Variants in GMDS observed in about 807,000 individuals in gnomAD.
GMDS encodes GDP-mannose 4,6 dehydratase.
GMDS carries 20 observed loss-of-function variants against 49.9 expected under a neutral mutation model. The ratio of observed to expected loss-of-function variants is 0.40; its 90% CI spans 0.28 to 0.58. The LOEUF (loss-of-function observed/expected upper bound fraction) is 0.58, where lower values mean the gene tolerates loss of function less well. GMDS is among the 20% of genes least tolerant of loss of function. The pLI, the probability that GMDS is intolerant of heterozygous loss-of-function variation, is 0.42. For missense variants in GMDS, 362 were observed against 481.4 expected, an observed-to-expected ratio of 0.75 and a Z score of 2.32; for synonymous variants, 177 against 178.6, an observed-to-expected ratio of 0.99 and a Z score of 0.07.
chr6:1,711,086 T>C (rs1324224558), intron 9 of GMDS, among the ~76,000 whole-genome samples: 6 of 152,244 alleles, frequency 3.9e-5, no homozygotes, highest in African/African-American at 1.4e-4. Flanking sequence ...TACAACTACA[T>C]ACATGATGTA....
intron 2 of GMDS, among the ~76,000 whole-genome samples, chr6:2,123,366 C>T (rs756314256): frequency 6.6e-6 from 1 of 152,000 alleles, no homozygotes; most frequent in Non-Finnish European, 1.5e-5. Context: ...TTCTGACATG[C>T]CTGACACGCC....
At chr6:1,702,005 G>A (rs1399494105) in intron 9 of GMDS, among the ~76,000 whole-genome samples, 1 of 152,226 alleles carries the variant, frequency 6.6e-6, no homozygotes, top group Non-Finnish European at 1.5e-5. Flanking sequence ...TTTGCGATGG[G>A]GGTGTGAGAG....
chr6:1,714,043 A>G (rs1766079568), intron 9 of GMDS, among the ~76,000 whole-genome samples: 3 of 152,102 alleles, frequency 2.0e-5, no homozygotes, highest in Admixed American at 6.5e-5. Context: ...TTTGAGAGGG[A>G]GTCTCACTCT....
At chr6:2,078,363 G>C (rs1325251361) in intron 4 of GMDS, among the ~76,000 whole-genome samples, 1 of 151,964 alleles carries the variant, frequency 6.6e-6, no homozygotes, top group Non-Finnish European at 1.5e-5. Flanking sequence ...TGCATCATTA[G>C]ATTGTTTATT....
chr6:1,987,800 A>G (rs183512461), intron 4 of GMDS, among the ~76,000 whole-genome samples: 2 of 152,296 alleles, frequency 1.3e-5, no homozygotes, highest in Admixed American at 1.3e-4. Context: ...TTAAGTTTGA[A>G]ATTTGCCATG....
chr6:1,888,135 T>TTA (rs386405901), intron 7 of GMDS, among the ~76,000 whole-genome samples: 17,126 of 87,458 alleles, frequency 0.2, 1,166 homozygotes, highest in Non-Finnish European at 0.31. Context: ...ATTATTATTA[T>TTA]TTTTTTTTTT....
At chr6:1,928,002 G>A (rs1762107318) in intron 7 of GMDS, among the ~76,000 whole-genome samples, 1 of 152,066 alleles carries the variant, frequency 6.6e-6, no homozygotes, top group South Asian at 2.1e-4. Flanking sequence ...TCACCTACGT[G>A]CAAAATAATA....
rs958577134 is a variant in GMDS, at chr6:1,635,072, G to A, written c.988-10532C>T. Among the ~76,000 whole-genome samples, 12 of 152,150 alleles carry A rather than the reference G, an allele frequency of 7.9e-5. No individual in the cohort carries two copies. Among genetic ancestry groups the A allele is most frequent in the East Asian group, 1.9e-4 (1 of 5,198 alleles). On this transcript the variant is annotated intron_variant, in intron 9 of 10. Coordinates refer to ENST00000380815, the MANE Select transcript of GMDS (RefSeq NM_001500.4). This position sits in a 1 kb window ranked among gnomAD's most constrained non-coding sequence, Gnocchi z 4.7. ...CTCACCACAGCCCTGCCAGCATTAC[G>A]TGTCATCTCCTTTTTCACGATTTCA...
intron 9 of GMDS, among the ~76,000 whole-genome samples, chr6:1,678,377 T>A (rs1445480659): frequency 6.6e-6 from 1 of 152,174 alleles, no homozygotes; most frequent in Non-Finnish European, 1.5e-5. Context: ...CTGCTGCTCC[T>A]GGCAAGCTCT....
chr6:2,141,865 G>GCT (rs67628075), intron 1 of GMDS, among the ~76,000 whole-genome samples: 558 of 144,890 alleles, frequency 3.9e-3, no homozygotes, highest in South Asian at 0.011. Context: ...GGTTGTGCGT[G>GCT]CTCTCTCTCT....
intron 7 of GMDS, among the ~76,000 whole-genome samples, chr6:1,882,071 T>C (rs1231135057): frequency 1.3e-5 from 2 of 152,250 alleles, no homozygotes; most frequent in Admixed American, 6.5e-5. Context: ...GTGAGTATTT[T>C]ATTTTTAGAA....
rs905525405 is a variant in GMDS at position 1,766,994 on chromosome 6, C to T, written c.772-24408G>A. Among the ~76,000 whole-genome samples, 4 of 152,216 alleles carry T rather than the reference C, an allele frequency of 2.6e-5. No homozygotes were observed. Among genetic ancestry groups the T allele is most frequent in the African/African-American group, 9.6e-5 (4 of 41,462 alleles). Reference sequence around the variant, plus strand: ...ATCCCCAAACCTTCCTCTCACACCACAGCTGTAGGGCACACTGAACTTTAT... The same window carrying T: ...ATCCCCAAACCTTCCTCTCACACCATAGCTGTAGGGCACACTGAACTTTAT... On this transcript the variant is annotated intron_variant, in intron 7 of 10. Transcript: ENST00000380815. The surrounding 1 kb of genome is among the most constrained non-coding windows in gnomAD (Gnocchi z 4.5).
At chr6:2,217,002 T>A (rs1780370604) in intron 1 of GMDS, among the ~76,000 whole-genome samples, 1 of 151,972 alleles carries the variant, frequency 6.6e-6, no homozygotes, top group Non-Finnish European at 1.5e-5. Flanking sequence ...GACCCGCACA[T>A]CAGACCTCCC....
chr6:2,225,743 G>A (rs1780785486), intron 1 of GMDS, among the ~76,000 whole-genome samples: 2 of 152,302 alleles, frequency 1.3e-5, no homozygotes, highest in Non-Finnish European at 2.9e-5. Context: ...AGTAGAATAA[G>A]GAAATGTTTC....
In GMDS at chr6:1,774,678, G is replaced by A. The variant is rs1171273791; in HGVS notation, c.772-32092C>T. Among the ~76,000 whole-genome samples, 5 of 152,166 alleles carry A rather than the reference G, an allele frequency of 3.3e-5. No individual in the cohort carries two copies. In the East Asian group the frequency reaches 9.6e-4, roughly 29 times the overall value. On this transcript the variant is annotated intron_variant, in intron 7 of 10. Coordinates refer to ENST00000380815, the MANE Select transcript of GMDS (RefSeq NM_001500.4). The stretch of plus-strand genomic sequence containing the variant: ...CTACAGTCACATTGAAAACATATGT[G>A]CAGAAAGGCATGCTAACTCATGTTG...
chr6:1,890,125 G>C (rs2113838659), intron 7 of GMDS, among the ~76,000 whole-genome samples: 1 of 151,910 alleles, frequency 6.6e-6, no homozygotes, highest in East Asian at 1.9e-4. Context: ...TTAAATATGT[G>C]CCTTTCTTGA....
intron 1 of GMDS, among the ~76,000 whole-genome samples, chr6:2,232,418 C>G (rs1781150160): frequency 6.6e-6 from 1 of 152,174 alleles, no homozygotes; most frequent in Non-Finnish European, 1.5e-5. Context: ...TTTGTCAGCA[C>G]TTATGGCCCA....
chr6:1,812,484 AG>A (rs1340323789), intron 7 of GMDS, among the ~76,000 whole-genome samples: 2 of 151,864 alleles, frequency 1.3e-5, no homozygotes, highest in Non-Finnish European at 2.9e-5. Flanking sequence ...GGAGGATCTG[AG>A]GGGAAAAAAA....
At chr6:2,033,908 C>T (rs545404709) in intron 4 of GMDS, among the ~76,000 whole-genome samples, 54 of 152,158 alleles carry the variant, frequency 3.5e-4, no homozygotes, top group Non-Finnish European at 7.1e-4. Flanking sequence ...GAATCAGATC[C>T]GAAGGAGACT....
Sources: allele counts gnomAD v4.1 joint callset (sites outside exome capture counted in the v4.1 genomes callset), GRCh38; gene constraint gnomAD v4.1.1; non-coding constraint Gnocchi (gnomAD v3.1); transcripts MANE v1.5; gene names NCBI Gene and HGNC (gene_info 2026-07-23, HGNC 2026-07-21).